PIK3AP1: variants seen among roughly 807,000 people sequenced by gnomAD.
PIK3AP1 encodes phosphoinositide-3-kinase adaptor protein 1.
PIK3AP1 carries 21 observed loss-of-function variants against 88.1 expected under a neutral mutation model. The ratio of observed to expected loss-of-function variants is 0.24; its 90% CI spans 0.17 to 0.34. The LOEUF is 0.34. PIK3AP1 is among the 10% of genes least tolerant of loss of function. The pLI is 1.00. For missense variants in PIK3AP1, 828 were observed against 1,035.7 expected, an observed-to-expected ratio of 0.80 and a Z score of 2.75; for synonymous variants, 398 against 400.0, an observed-to-expected ratio of 1.00 and a Z score of 0.06.
At chr10:96,622,914 G>A (rs1843105178) in intron 11 of PIK3AP1, among the ~76,000 whole-genome samples, 1 of 152,220 alleles carries the variant, frequency 6.6e-6, no homozygotes, top group African/African-American at 2.4e-5. Flanking sequence ...TCAAAGTATA[G>A]TTTAGCTAGT....
chr10:96,685,560 A>G (rs976183013), intron 2 of PIK3AP1, among the ~76,000 whole-genome samples: 1 of 152,234 alleles, frequency 6.6e-6, no homozygotes, highest in African/African-American at 2.4e-5. Flanking sequence ...TACATCTCCC[A>G]CAGCCCTGCG....
In PIK3AP1 at chr10:96,669,905, G is replaced by A. The variant is rs150483257; in HGVS notation, c.431-12971C>T. The stretch of plus-strand genomic sequence containing the variant: ...TGTTTAGAAAAGTGGGACCAGGTGC[G>A]GTAGCTCATGCCTGTAATCCCAGCA... On this transcript the variant is annotated intron_variant, in intron 2 of 16. Transcript: ENST00000339364. Among the ~76,000 whole-genome samples, 421 of 152,090 alleles carry A rather than the reference G, an allele frequency of 2.8e-3. 2 individuals carry two copies. Among genetic ancestry groups the A allele is most frequent in the African/African-American group, 9.4e-3 (388 of 41,486 alleles).
intron 2 of PIK3AP1, among the ~76,000 whole-genome samples, chr10:96,690,897 G>T (rs911765923): frequency 6.6e-6 from 1 of 152,192 alleles, no homozygotes; most frequent in Non-Finnish European, 1.5e-5. Flanking sequence ...GGCTGGAGTT[G>T]GAAGACGTGA....
At chr10:96,688,338 T>A (rs1844103304) in intron 2 of PIK3AP1, among the ~76,000 whole-genome samples, 1 of 152,148 alleles carries the variant, frequency 6.6e-6, no homozygotes, top group African/African-American at 2.4e-5. Context: ...TCACAGGAAC[T>A]TAGCACTTGA....
At chr10:96,599,288 G>C (rs983115692) in intron 16 of PIK3AP1, among the ~76,000 whole-genome samples, 12 of 152,160 alleles carry the variant, frequency 7.9e-5, no homozygotes, top group Admixed American at 1.3e-4. Flanking sequence ...AAGGCAGTTT[G>C]GGGTAGAGAA....
In PIK3AP1 at chr10:96,676,604, A is replaced by G. The variant is rs184066282; in HGVS notation, c.431-19670T>C. Among the ~76,000 whole-genome samples the G allele has an allele frequency of 2.7e-5, 4 of 146,062 alleles. No homozygotes were observed. The East Asian group carries it at 8.0e-4, about 29-fold the overall frequency. On this transcript the variant is annotated intron_variant, in intron 2 of 16. Coordinates refer to ENST00000339364, the MANE Select transcript of PIK3AP1 (RefSeq NM_152309.3). ...TGTTGCCTTAGAGGCCTTTTTTCCAACTCCCTTTTCCAAGAAGGTCACCAA... is the reference window on the plus strand; with the variant it reads ...TGTTGCCTTAGAGGCCTTTTTTCCAGCTCCCTTTTCCAAGAAGGTCACCAA...
intron 5 of PIK3AP1, 48 bp from the exon 6 acceptor site, chr10:96,651,428 C>T (rs1843535768): frequency 1.2e-6 from 2 of 1,613,974 alleles, no homozygotes; most frequent in Non-Finnish European, 1.7e-6. Context: ...AGCTCTCTTC[C>T]ATCCCGCAGA....
At chr10:96,692,055 A>G (rs1400924285) in intron 2 of PIK3AP1, among the ~76,000 whole-genome samples, 3 of 152,150 alleles carry the variant, frequency 2.0e-5, no homozygotes, top group African/African-American at 7.2e-5. Context: ...AATTTTTTGA[A>G]GTTGATGAAA....
intron 8 of PIK3AP1, among the ~76,000 whole-genome samples, chr10:96,638,461 C>G (rs530698736): frequency 7.3e-5 from 7 of 95,842 alleles, no homozygotes; most frequent in African/African-American, 2.9e-4. Flanking sequence ...CACAGACACA[C>G]ACACACACAG....
chr10:96,702,168 G>A (rs535005192), intron 2 of PIK3AP1, among the ~76,000 whole-genome samples: 3 of 152,154 alleles, frequency 2.0e-5, no homozygotes, highest in African/African-American at 7.2e-5. Context: ...GGGGACTTGG[G>A]AAGATGCTGG....
chr10:96,630,988 C>A (rs1046477376), intron 8 of PIK3AP1, among the ~76,000 whole-genome samples: 1 of 152,216 alleles, frequency 6.6e-6, no homozygotes, highest in African/African-American at 2.4e-5. Context: ...ACCTGCCTGA[C>A]CTTGGGCCCA....
chr10:96,698,535 TAAACTAAACTAA>T lies in PIK3AP1; in HGVS notation c.430+11020_430+11031del, dbSNP rs1186047198. 4.8e-3 allele frequency among the ~76,000 whole-genome samples: 723 copies of T among 151,836 alleles called. 4 individuals are homozygous for T. Among genetic ancestry groups the T allele is most frequent in the African/African-American group, 0.016 (681 of 41,380 alleles). Reference sequence around the variant, plus strand: ...AAACTAAAACTAAACTAAACCAAACTAAACTAAACTAAAAACTAAACTAAAAACTAAACTAAA... The same window carrying T: ...AAACTAAAACTAAACTAAACCAAACTAAACTAAACTAAAAACTAAACTAAA... On this transcript the variant is annotated intron_variant, in intron 2 of 16. Coordinates refer to ENST00000339364, the MANE Select transcript of PIK3AP1 (RefSeq NM_152309.3).
chr10:96,662,753 G>A (rs1843706963), intron 2 of PIK3AP1, among the ~76,000 whole-genome samples: 1 of 150,032 alleles, frequency 6.7e-6, no homozygotes, highest in Non-Finnish European at 1.5e-5. Context: ...GCGGTGGCGG[G>A]CGCCTGTAGT....
At chr10:96,688,223 G>A (rs1387301483) in intron 2 of PIK3AP1, among the ~76,000 whole-genome samples, 1 of 152,128 alleles carries the variant, frequency 6.6e-6, no homozygotes, top group African/African-American at 2.4e-5. Context: ...TCCCCACCCA[G>A]GATGAAGATG....
intron 2 of PIK3AP1, among the ~76,000 whole-genome samples, chr10:96,704,706 G>C (rs761024944): frequency 1.3e-5 from 2 of 150,568 alleles, no homozygotes; most frequent in Non-Finnish European, 2.9e-5. Context: ...GTGACAGAGC[G>C]AGACTCTATC....
rs1043619287 is a variant in PIK3AP1, at chr10:96,679,282, C to A, written c.431-22348G>T. Among the ~76,000 whole-genome samples the A allele has an allele frequency of 3.9e-5, 6 of 152,116 alleles. No individual in the cohort carries two copies. In the East Asian group the frequency reaches 1.2e-3, roughly 29 times the overall value. Reference sequence around the variant, plus strand: ...GTGGCTCCTGTCTAAAATCCCAGCACTTTGGGAGGCCAAGGTGGCTGGATC... The same window carrying A: ...GTGGCTCCTGTCTAAAATCCCAGCAATTTGGGAGGCCAAGGTGGCTGGATC... On this transcript the variant is annotated intron_variant, in intron 2 of 16. Transcript: ENST00000339364.
At chr10:96,636,660 G>C (rs1843316960) in intron 8 of PIK3AP1, among the ~76,000 whole-genome samples, 1 of 152,178 alleles carries the variant, frequency 6.6e-6, no homozygotes, top group Non-Finnish European at 1.5e-5. Context: ...AACATGTACT[G>C]AAACCTGCCG....
intron 2 of PIK3AP1, among the ~76,000 whole-genome samples, chr10:96,707,385 C>T (rs755829575): frequency 4.6e-5 from 7 of 152,180 alleles, no homozygotes; most frequent in East Asian, 3.8e-4. Flanking sequence ...CTCCGCCTCC[C>T]GGGCTCAAGT....
rs897155361 is a variant in PIK3AP1, at chr10:96,687,273, A to G, written c.430+22294T>C. 8.9e-5 allele frequency among the ~76,000 whole-genome samples: 13 copies of G among 145,994 alleles called. 1 individual carries two copies. The East Asian group carries it at 1.2e-3, about 13-fold the overall frequency. On this transcript the variant is annotated intron_variant, in intron 2 of 16. Coordinates refer to ENST00000339364, the MANE Select transcript of PIK3AP1 (RefSeq NM_152309.3). The stretch of plus-strand genomic sequence containing the variant: ...TCCATCTCAAAAAAAAAAAAAAAAA[A>G]AAAAAAAAAAAAGAAAAAAGATCTC...
Sources: allele counts gnomAD v4.1 joint callset (sites outside exome capture counted in the v4.1 genomes callset), GRCh38; gene constraint gnomAD v4.1.1; transcripts MANE v1.5; gene names NCBI Gene and HGNC (gene_info 2026-07-23, HGNC 2026-07-21).